SLC28A2: variants seen among roughly 807,000 people sequenced by gnomAD.
SLC28A2 encodes the protein sodium/nucleoside cotransporter 2.
Under a neutral mutation model 72.9 loss-of-function variants are expected in SLC28A2, and 69 were observed. That is an observed-to-expected ratio of 0.95 (90% confidence interval 0.78 to 1.16). The LOEUF (loss-of-function observed/expected upper bound fraction) is 1.16. Among genes scored for constraint, SLC28A2 ranks in the 50% most tolerant of loss-of-function variants. The pLI, the probability that SLC28A2 is intolerant of heterozygous loss-of-function variation, is 0.00. For missense variants in SLC28A2, 745 were observed against 791.1 expected (o/e 0.94, Z 0.70); for synonymous variants, 296 against 294.1 (o/e 1.01, Z -0.07).
At chr15:45,273,032 G>A (rs986972658) in intron 17 of SLC28A2, among the ~76,000 whole-genome samples, 4 of 152,184 alleles carry the variant, frequency 2.6e-5, no homozygotes, top group Non-Finnish European at 4.4e-5. Flanking sequence ...TCCCTGATAA[G>A]AAATTACTCT....
rs138971230 is a variant in SLC28A2, at chr15:45,253,239, G to T, written c.24G>T (p.Gln8His). 66 of 1,613,508 alleles carry T rather than the reference G, an allele frequency of 4.1e-5. No individual in the cohort carries two copies. In the African/African-American group the frequency reaches 7.9e-4, roughly 19 times the overall value. Residue 8 changes from glutamine (Q) to histidine (H), a missense_variant, in exon 2 of 18, where the codon CAG (glutamine) becomes CAT (histidine). Transcript: ENST00000347644. ...AGATGGAGAAAGCAAGTGGAAGACA[G>T]TCCATTGCTCTGTCCACAGTGGAGA... MEKASGR[Q>H]SIALSTVETG...
intron 6 of SLC28A2, among the ~76,000 whole-genome samples, chr15:45,264,270 T>G (rs1262213780): frequency 6.6e-6 from 1 of 152,148 alleles, no homozygotes; most frequent in African/African-American, 2.4e-5. Flanking sequence ...TTTGCGAATC[T>G]AGGCCAGTGT....
chr15:45,265,697 G>A (rs1171622220), intron 9 of SLC28A2, 34 bp downstream of exon 9: 1 of 1,388,898 alleles, frequency 7.2e-7, no homozygotes, highest in Non-Finnish European at 1.0e-6. Context: ...CAGGAGACAG[G>A]CCTTCATCCT....
At chr15:45,272,464 T>C (rs537679617) in intron 16 of SLC28A2, 71 bp downstream of exon 16, 75 of 1,247,912 alleles carry the variant, frequency 6.0e-5, no homozygotes, top group South Asian at 1.4e-4. Context: ...ATGAGGAAGG[T>C]AGAATTGTCC....
intron 3 of SLC28A2, among the ~76,000 whole-genome samples, chr15:45,260,446 A>C (rs1196783675): frequency 6.6e-6 from 1 of 152,154 alleles, no homozygotes; most frequent in African/African-American, 2.4e-5. Context: ...ATACTTTGCA[A>C]ATGATGTTCC....
At chr15:45,260,462 T>G (rs762684766) in intron 3 of SLC28A2, among the ~76,000 whole-genome samples, 1 of 152,204 alleles carries the variant, frequency 6.6e-6, no homozygotes, top group Non-Finnish European at 1.5e-5. Context: ...GTTCCAAAGA[T>G]AATGATGTCC....
At chr15:45,271,577 A>AAAGGAAGG (rs145309707) in intron 15 of SLC28A2, among the ~76,000 whole-genome samples, 65,758 of 130,130 alleles carry the variant, frequency 0.51, 19,384 homozygotes, top group Non-Finnish European at 0.65. Context: ...AAAAAGAAGA[A>AAAGGAAGG]AAGGAAGGAA....
chr15:45,253,488 G>C lies in SLC28A2; in HGVS notation c.138G>C (p.Leu46=). 6.2e-7 allele frequency: 1 copy of C among 1,613,570 alleles called. No individual in the cohort carries two copies. The highest frequency in any genetic ancestry group is 1.1e-5 in the South Asian group (1 of 91,044). ...GGACTGACGCACAAGGACACAGCCTGGGGGATGGACTGGGCCCTTCCACTT... is the reference window on the plus strand; with the variant it reads ...GGACTGACGCACAAGGACACAGCCTCGGGGATGGACTGGGCCCTTCCACTT... ...SKRTDAQGHS[L]GDGLGPSTYQ... Residue 46 remains leucine (L), a synonymous_variant, in exon 3 of 18, where the codon CTG becomes CTC. Transcript: ENST00000347644.
intron 3 of SLC28A2, among the ~76,000 whole-genome samples, chr15:45,261,367 T>G (rs1452204951): frequency 6.6e-6 from 1 of 152,214 alleles, no homozygotes; most frequent in African/African-American, 2.4e-5. Flanking sequence ...GTTTCCATAC[T>G]GTAAAATGGG....
At chr15:45,262,953 T>C in intron 4 of SLC28A2, 108 bp from the exon 5 acceptor site, 1 of 893,046 alleles carries the variant, frequency 1.1e-6, no homozygotes. Flanking sequence ...TGGCAAGGTC[T>C]CTGGAGGGTT....
At chr15:45,263,824 A>G in intron 5 of SLC28A2, 57 bp from the exon 6 acceptor site, 1 of 1,540,432 alleles carries the variant, frequency 6.5e-7, no homozygotes, top group Non-Finnish European at 8.8e-7. Flanking sequence ...ACTCTCTGTA[A>G]GTTATTTGTT....
At chr15:45,271,241 G>T (rs975770793) in intron 15 of SLC28A2, among the ~76,000 whole-genome samples, 7 of 152,174 alleles carry the variant, frequency 4.6e-5, no homozygotes, top group African/African-American at 7.2e-5. Context: ...GGGGTGACTA[G>T]CAGATCCCAA....
chr15:45,275,779 C>CA lies in SLC28A2; in HGVS notation c.*272dup, dbSNP rs557250750. 243 of 237,880 alleles carry CA rather than the reference C, an allele frequency of 1.0e-3. No homozygotes were observed. The highest frequency in any genetic ancestry group is 5.3e-3 in the African/African-American group (233 of 44,034). 14.7% of individuals were successfully genotyped at this position (237,880 alleles called of 1,614,324 possible). A position where few individuals can be genotyped will look rare whatever the true frequency, so the allele number is the denominator to read the frequency against. On this transcript the variant is annotated 3_prime_UTR_variant, in exon 18 of 18. Transcript: ENST00000347644. The stretch of plus-strand genomic sequence containing the variant: ...TGAAACCCCGTCTCTACTAAAAATA[C>CA]AAAAAATTAGCCGGGAGTGGTGTCG...
Position 45,275,443 on chromosome 15 carries a change from A to C in SLC28A2, c.1907A>C (p.Glu636Ala). Residue 636 changes from glutamate (E) to alanine (A), a missense_variant, in exon 18 of 18, where the codon GAA (glutamate) becomes GCA (alanine). Physicochemically the swap from Glu to Ala is moderately radical, Grantham distance 107. Transcript: ENST00000347644. ...TNPPSFSGPW[E>A]DKEFSAMALT... is the part of the protein sequence containing the mutation. ...CCTCCTTCTTTTTCTGGTCCCTGGG[A>C]AGATAAGGAGTTCAGTGCTATGGCC... The C allele has an allele frequency of 6.2e-7, 1 of 1,613,858 alleles. No homozygotes were observed. The highest frequency in any genetic ancestry group is 1.1e-5 in the South Asian group (1 of 91,066).
In SLC28A2 at chr15:45,253,354, A is replaced by G. The variant is rs554806088; in HGVS notation, c.81+58A>G. 1.2e-4 allele frequency: 189 copies of G among 1,548,642 alleles called. No individual in the cohort carries two copies. In the African/African-American group the frequency reaches 2.4e-3, roughly 20 times the overall value. On this transcript the variant is annotated intron_variant, in intron 2 of 17. Coordinates refer to ENST00000347644, the MANE Select transcript of SLC28A2 (RefSeq NM_004212.4). ...TGTGGGCTGCTGCATGGGCTCCTGT[A>G]GGGTATTTGGCTGCTCTCAATCCCC... is the stretch of plus-strand genomic sequence containing the variant.
chr15:45,263,445 G>A (rs907758376), intron 5 of SLC28A2, among the ~76,000 whole-genome samples: 2 of 152,142 alleles, frequency 1.3e-5, no homozygotes, highest in African/African-American at 4.8e-5. Context: ...ATTGCTGGGG[G>A]GCAGGAGGAG....
At chr15:45,267,428 A>C (rs1346794384) in intron 10 of SLC28A2, 27 bp from the exon 11 acceptor site, 1 of 1,613,690 alleles carries the variant, frequency 6.2e-7, no homozygotes, top group Non-Finnish European at 8.5e-7. Context: ...CCTTCTTGGA[A>C]TCTGACTGTT....
At chr15:45,268,830 T>C (rs1900432996) in intron 13 of SLC28A2, among the ~76,000 whole-genome samples, 1 of 152,062 alleles carries the variant, frequency 6.6e-6, no homozygotes, top group Non-Finnish European at 1.5e-5. Context: ...TGGAATACTA[T>C]GCAGCCATAA....
At position 45,264,023 on chromosome 15, in the gene SLC28A2, G is replaced by A; in HGVS notation, c.588+1G>A. The A allele has an allele frequency of 1.2e-6, 2 of 1,608,396 alleles. No homozygotes were observed. Among genetic ancestry groups the A allele is most frequent in the Non-Finnish European group, 1.7e-6 (2 of 1,177,224 alleles). ...TGCCTGCTCCAAACACCACAGCGCA[G>A]TGAGTTTTGGGTATTTGGGTTGGGT... On this transcript the variant is annotated splice_donor_variant, in intron 6 of 17. Coordinates refer to ENST00000347644, the MANE Select transcript of SLC28A2 (RefSeq NM_004212.4). LOFTEE classifies it high-confidence loss of function.
Sources: allele counts gnomAD v4.1 joint callset (sites outside exome capture counted in the v4.1 genomes callset), GRCh38; gene constraint gnomAD v4.1.1; transcripts MANE v1.5; gene names NCBI Gene and HGNC (gene_info 2026-07-23, HGNC 2026-07-21).